SHANK2: variants seen among roughly 807,000 people sequenced by gnomAD.
The protein encoded by SHANK2 is SH3 and multiple ankyrin repeat domains protein 2.
Under a neutral mutation model 133.7 loss-of-function variants are expected in SHANK2, and 43 were observed. The observed-to-expected ratio is 0.32, with a 90% CI of 0.25 to 0.41. The LOEUF is 0.41. Ranked by LOEUF, SHANK2 falls within the 10% of genes least tolerant of loss-of-function variation. The pLI is 1.00. For missense variants in SHANK2, 1,994 were observed against 2,235.8 expected, an observed-to-expected ratio of 0.89 and a Z score of 2.18; for synonymous variants, 1,017 against 952.8, an observed-to-expected ratio of 1.07 and a Z score of -1.24.
intron 17 of SHANK2, among the ~76,000 whole-genome samples, chr11:70,556,665 C>T (rs1248202092): frequency 6.7e-6 from 1 of 150,268 alleles, no homozygotes; most frequent in Non-Finnish European, 1.5e-5. Context: ...GAAATCAGCT[C>T]ATTGTAGTCT....
intron 14 of SHANK2, among the ~76,000 whole-genome samples, chr11:70,740,739 G>A (rs901521050): frequency 7.9e-5 from 12 of 152,292 alleles, no homozygotes; most frequent in African/African-American, 2.6e-4. Flanking sequence ...GCCAGAAGAA[G>A]CGTCAGCTGG....
chr11:70,939,946 A>G (rs2135839693), intron 10 of SHANK2, among the ~76,000 whole-genome samples: 1 of 152,188 alleles, frequency 6.6e-6, no homozygotes, highest in East Asian at 1.9e-4. Context: ...CGCAGAAGAG[A>G]AGGTAATGTG....
In SHANK2 at chr11:70,469,939, A is replaced by G. The variant is rs2058578189; in HGVS notation, c.*2930T>C. 1 of 152,630 alleles carries G rather than the reference A, an allele frequency of 6.6e-6. No individual in the cohort carries two copies. The highest frequency in any genetic ancestry group is 1.5e-5 in the Non-Finnish European group (1 of 68,050). The allele number at this position is 152,630 out of a possible 1,614,324, so 9.5% of individuals were successfully genotyped here. A position where few individuals can be genotyped will look rare whatever the true frequency, so the allele number is the denominator to read the frequency against. On this transcript the variant is annotated 3_prime_UTR_variant, in exon 26 of 26. Coordinates refer to ENST00000601538, the MANE Select transcript of SHANK2 (RefSeq NM_012309.5). The stretch of plus-strand genomic sequence containing the variant: ...GAGAGATTTGGGTTTTGTATACACA[A>G]TATTACAGAAACTAGGCATGTAAAT...
At position 71,091,742 on chromosome 11, in the gene SHANK2, G is replaced by T. The variant is rs115727848; in HGVS notation, c.912+680C>A. ...AGTCCTCCCTGACATGGGCCTGCGG[G>T]CCCCCTCCTCAGCCCTGGCTCTCCT... On this transcript the variant is annotated intron_variant, in intron 8 of 25. Transcript: ENST00000601538. Among the ~76,000 whole-genome samples the T allele has an allele frequency of 8.3e-3, 1,267 of 152,214 alleles. 20 individuals are homozygous for T. Among genetic ancestry groups the T allele is most frequent in the African/African-American group, 0.029 (1,216 of 41,526 alleles).
intron 11 of SHANK2, 198 bp downstream of exon 11, chr11:70,896,303 T>C: frequency 2.0e-6 from 1 of 512,544 alleles, no homozygotes; most frequent in East Asian, 3.0e-5. Context: ...ACCTCTAAGG[T>C]CTTCCTTAGC....
In SHANK2 at chr11:71,175,580, G is replaced by C. The variant is rs1056568731; in HGVS notation, c.-12-28242C>G. On this transcript the variant is annotated intron_variant, in intron 2 of 25. Coordinates refer to ENST00000601538, the MANE Select transcript of SHANK2 (RefSeq NM_012309.5). The surrounding 1 kb of genome is among the most constrained non-coding windows in gnomAD (Gnocchi z 4.2). ...AGAGAGAGAGAGAGAGAGAGAGAGA[G>C]AGAGAGAGAGAGAGAGAGAGAGACA... Among the ~76,000 whole-genome samples the C allele has an allele frequency of 2.8e-4, 39 of 137,198 alleles. 1 individual carries two copies. The highest frequency in any genetic ancestry group is 7.5e-4 in the African/African-American group (27 of 35,778). 90.0% of individuals were successfully genotyped at this position (137,198 alleles called of 152,430 possible). A position where few individuals can be genotyped will look rare whatever the true frequency, so the allele number is the denominator to read the frequency against.
intron 17 of SHANK2, among the ~76,000 whole-genome samples, chr11:70,553,277 G>C (rs993683796): frequency 1.3e-5 from 2 of 152,016 alleles, no homozygotes; most frequent in Non-Finnish European, 2.9e-5. Flanking sequence ...AATTTTAGTA[G>C]AGAAGGGGTT....
At position 70,479,834 on chromosome 11, in the gene SHANK2, C is replaced by T. The variant is rs374693716; in HGVS notation, c.4979+5480G>A. Among the ~76,000 whole-genome samples, 18 of 152,320 alleles carry T rather than the reference C, an allele frequency of 1.2e-4. No homozygotes were observed. The East Asian group carries it at 3.1e-3, about 26-fold the overall frequency. On this transcript the variant is annotated intron_variant, in intron 25 of 25. Coordinates refer to ENST00000601538, the MANE Select transcript of SHANK2 (RefSeq NM_012309.5). This position sits in a 1 kb window ranked among gnomAD's most constrained non-coding sequence, Gnocchi z 4.4. ...CTCAATAAAGCTGGAGGGCACATGA[C>T]ACCTGGGGCTCCTGGGTCATAGCAA...
chr11:70,750,028 A>G (rs1234309075), intron 14 of SHANK2, among the ~76,000 whole-genome samples: 1 of 152,252 alleles, frequency 6.6e-6, no homozygotes, highest in African/African-American at 2.4e-5. Flanking sequence ...GATGGAGTAC[A>G]CACACCACAC....
At chr11:70,553,432 C>T (rs1421781975) in intron 17 of SHANK2, among the ~76,000 whole-genome samples, 2 of 152,196 alleles carry the variant, frequency 1.3e-5, no homozygotes, top group Admixed American at 6.5e-5. Context: ...TCTTCAAATA[C>T]AGTCACATTC....
intron 8 of SHANK2, among the ~76,000 whole-genome samples, chr11:71,083,763 C>T (rs1951334926): frequency 6.6e-6 from 1 of 152,190 alleles, no homozygotes; most frequent in Admixed American, 6.5e-5. Context: ...TGTGAAGTTG[C>T]ACGGTGGATG....
At chr11:71,119,149 G>T in intron 3 of SHANK2, 117 bp from the exon 4 acceptor site, 1 of 806,040 alleles carries the variant, frequency 1.2e-6, no homozygotes, top group Non-Finnish European at 2.0e-6. Context: ...CACTTCCTCT[G>T]AGCAGTGAAC....
At chr11:71,206,314 G>A (rs1954126051) in intron 2 of SHANK2, among the ~76,000 whole-genome samples, 1 of 152,176 alleles carries the variant, frequency 6.6e-6, no homozygotes, top group South Asian at 2.1e-4. Context: ...TGTGCGTTTA[G>A]TTAACTATTC....
At chr11:70,808,530 G>A (rs1948210963) in intron 12 of SHANK2, among the ~76,000 whole-genome samples, 1 of 120,536 alleles carries the variant, frequency 8.3e-6, no homozygotes, top group Non-Finnish European at 1.6e-5. Context: ...AAAAAGACTA[G>A]CCTGGGCAAC....
chr11:71,233,559 C>T (rs782182709), intron 1 of SHANK2, among the ~76,000 whole-genome samples: 4 of 152,308 alleles, frequency 2.6e-5, no homozygotes, highest in Non-Finnish European at 4.4e-5. Flanking sequence ...CCGATGGTTG[C>T]ACAATCTCCC....
At chr11:70,761,025 G>A (rs188358540) in intron 14 of SHANK2, among the ~76,000 whole-genome samples, 12 of 152,240 alleles carry the variant, frequency 7.9e-5, no homozygotes, top group South Asian at 2.1e-4. Context: ...GCTGCAGGTC[G>A]GGTGGGAGAG....
At chr11:71,147,053 C>T (rs868990807) in intron 3 of SHANK2, 67 bp downstream of exon 3, 1 of 1,345,150 alleles carries the variant, frequency 7.4e-7, no homozygotes, top group Non-Finnish European at 1.0e-6. Flanking sequence ...CCAGAGCAGG[C>T]CTCTGGCGTT....
chr11:70,951,478 T>C lies in SHANK2; in HGVS notation c.1108-54911A>G, dbSNP rs570798063. On this transcript the variant is annotated intron_variant, in intron 10 of 25. Coordinates refer to ENST00000601538, the MANE Select transcript of SHANK2 (RefSeq NM_012309.5). ...TCATAAATTCATTTCCCCTGGTTGC[T>C]GCATGGTGACATCATAAATTCATTT... Among the ~76,000 whole-genome samples, 222 of 151,524 alleles carry C rather than the reference T, an allele frequency of 1.5e-3. 2 individuals carry two copies. The Middle Eastern group carries it at 0.017, about 12-fold the overall frequency.
chr11:70,531,604 C>T (rs1220486481), intron 17 of SHANK2, among the ~76,000 whole-genome samples: 1 of 152,248 alleles, frequency 6.6e-6, no homozygotes, highest in Non-Finnish European at 1.5e-5. Flanking sequence ...AAGGTCCCAT[C>T]TCAGTGTCCC....
Sources: allele counts gnomAD v4.1 joint callset (sites outside exome capture counted in the v4.1 genomes callset), GRCh38; gene constraint gnomAD v4.1.1; non-coding constraint Gnocchi (gnomAD v3.1); transcripts MANE v1.5; gene names NCBI Gene and HGNC (gene_info 2026-07-23, HGNC 2026-07-21).